The following MAP4K5 variants were observed in gnomAD, a reference collection of about 807,000 sequenced individuals.
The protein encoded by MAP4K5 is MAPK/ERK kinase kinase kinase 5.
A neutral mutation model predicts 135.6 loss-of-function variants in MAP4K5; 82 were observed. The observed-to-expected ratio is 0.60, with a 90% CI of 0.51 to 0.73. The LOEUF (loss-of-function observed/expected upper bound fraction) is 0.73, where lower values mean the gene tolerates loss of function less well. Ranked by LOEUF, MAP4K5 falls within the 30% of genes least tolerant of loss-of-function variation. The pLI, the probability that MAP4K5 is intolerant of heterozygous loss-of-function variation, is 0.00. For missense variants in MAP4K5, 907 were observed against 1,010.9 expected, an observed-to-expected ratio of 0.90 and a Z score of 1.39; for synonymous variants, 347 against 335.0, an observed-to-expected ratio of 1.04 and a Z score of -0.39.
At chr14:50,525,656 C>T (rs960725591) in intron 2 of MAP4K5, among the ~76,000 whole-genome samples, 1 of 151,902 alleles carries the variant, frequency 6.6e-6, no homozygotes, top group African/African-American at 2.4e-5. Flanking sequence ...GGCAACATGG[C>T]GAAACCCCAC....
chr14:50,549,733 A>G (rs2140158009), intron 1 of MAP4K5, among the ~76,000 whole-genome samples: 1 of 152,306 alleles, frequency 6.6e-6, no homozygotes, highest in East Asian at 1.9e-4. Flanking sequence ...TTCCACTACC[A>G]TATAACCCAA....
intron 30 of MAP4K5, 140 bp from the exon 31 acceptor site, chr14:50,426,117 C>A (rs941777997): frequency 1.7e-5 from 8 of 476,664 alleles, no homozygotes; most frequent in Non-Finnish European, 2.6e-5. Context: ...GATTTCTCAA[C>A]ATTTTTGTGG....
At chr14:50,541,948 A>G (rs2140146464) in intron 2 of MAP4K5, among the ~76,000 whole-genome samples, 1 of 127,296 alleles carries the variant, frequency 7.9e-6, no homozygotes, top group East Asian at 2.7e-4. Flanking sequence ...CAGAGCTTGT[A>G]GTGAGCCGAG....
In MAP4K5 at chr14:50,419,315, T is replaced by C. The variant is rs1447707311; in HGVS notation, c.*704A>G. 1 of 152,208 alleles carries C rather than the reference T, an allele frequency of 6.6e-6. No individual in the cohort carries two copies. The highest frequency in any genetic ancestry group is 1.5e-5 in the Non-Finnish European group (1 of 67,994). The allele number at this position is 152,208 out of a possible 1,614,324, so 9.4% of individuals were successfully genotyped here. ...TATGATCCCTTACAACTATCTGTAG[T>C]TGAAAACATAAGACTCCCTTTTAAG... On this transcript the variant is annotated 3_prime_UTR_variant, in exon 33 of 33. Coordinates refer to ENST00000682126, the MANE Select transcript of MAP4K5 (RefSeq NM_006575.6).
chr14:50,510,140 T>C (rs2037900766), intron 2 of MAP4K5, among the ~76,000 whole-genome samples: 1 of 152,068 alleles, frequency 6.6e-6, no homozygotes, highest in Non-Finnish European at 1.5e-5. Flanking sequence ...GCCACTTACT[T>C]TGAGGAACCA....
chr14:50,531,909 C>T (rs1377588385), intron 2 of MAP4K5, 33 bp downstream of exon 2: 1 of 1,441,544 alleles, frequency 6.9e-7, no homozygotes, highest in African/African-American at 1.4e-5. Flanking sequence ...ACCCAGTCGA[C>T]CGCAGGAAAA....
At chr14:50,473,311 T>A (rs10129680) in intron 9 of MAP4K5, among the ~76,000 whole-genome samples, 4 of 152,148 alleles carry the variant, frequency 2.6e-5, no homozygotes, top group Non-Finnish European at 5.9e-5. Flanking sequence ...TTCTTTTTTA[T>A]GGAAAAAGTA....
intron 2 of MAP4K5, among the ~76,000 whole-genome samples, chr14:50,538,448 G>T (rs2038520699): frequency 6.6e-6 from 1 of 152,300 alleles, no homozygotes; most frequent in Non-Finnish European, 1.5e-5. Flanking sequence ...TGTGAAAATT[G>T]GTAGAAGGAT....
intron 6 of MAP4K5, 42 bp downstream of exon 6, chr14:50,482,319 G>A (rs1207286772): frequency 3.8e-5 from 45 of 1,178,948 alleles, no homozygotes; most frequent in Non-Finnish European, 5.1e-5. Context: ...AGAAAATATT[G>A]CCTAGAATTG....
At chr14:50,461,555 CA>C in intron 13 of MAP4K5, among the ~76,000 whole-genome samples, 1 of 152,174 alleles carries the variant, frequency 6.6e-6, no homozygotes, top group East Asian at 1.9e-4. Flanking sequence ...GTGCTATAGT[CA>C]TAAATAGATA....
intron 6 of MAP4K5, among the ~76,000 whole-genome samples, chr14:50,477,040 T>C (rs927422483): frequency 2.0e-5 from 3 of 152,176 alleles, no homozygotes; most frequent in Non-Finnish European, 4.4e-5. Context: ...CAAATTGTGA[T>C]TGGGGTTGCA....
chr14:50,439,195 T>G (rs1452906914), intron 23 of MAP4K5, among the ~76,000 whole-genome samples: 1 of 151,848 alleles, frequency 6.6e-6, no homozygotes, highest in Admixed American at 6.6e-5. Flanking sequence ...AATATACAGA[T>G]TCTTAAAAAA....
intron 1 of MAP4K5, among the ~76,000 whole-genome samples, chr14:50,557,927 T>A (rs137940188): frequency 1.3e-5 from 2 of 152,312 alleles, no homozygotes; most frequent in Non-Finnish European, 2.9e-5. Flanking sequence ...TACAGGGAAC[T>A]GCTCAAAGAC....
At chr14:50,465,531 G>C (rs1300425202) in intron 11 of MAP4K5, among the ~76,000 whole-genome samples, 1 of 152,104 alleles carries the variant, frequency 6.6e-6, no homozygotes, top group Non-Finnish European at 1.5e-5. Context: ...TAATCTTTTT[G>C]AGTATTACGT....
chr14:50,538,363 C>T (rs2038519583), intron 2 of MAP4K5, among the ~76,000 whole-genome samples: 1 of 152,120 alleles, frequency 6.6e-6, no homozygotes, highest in Non-Finnish European at 1.5e-5. Context: ...TCTTTATCAG[C>T]AGTGTGAAAA....
At chr14:50,507,087 C>G (rs1327865574) in intron 2 of MAP4K5, among the ~76,000 whole-genome samples, 1 of 152,150 alleles carries the variant, frequency 6.6e-6, no homozygotes, top group African/African-American at 2.4e-5. Flanking sequence ...TTCAGTAAAT[C>G]ATAAAATGTG....
intron 2 of MAP4K5, among the ~76,000 whole-genome samples, chr14:50,526,948 C>A (rs1232353002): frequency 6.6e-6 from 1 of 151,986 alleles, no homozygotes; most frequent in Admixed American, 6.6e-5. Context: ...ATTATAACAT[C>A]ATTTATAATT....
intron 6 of MAP4K5, among the ~76,000 whole-genome samples, chr14:50,479,818 C>T (rs796461118): frequency 6.6e-6 from 1 of 152,144 alleles, no homozygotes; most frequent in Non-Finnish European, 1.5e-5. Context: ...CTCTCCAATA[C>T]TCTACCTTAA....
At chr14:50,509,420 C>T (rs11157749) in intron 2 of MAP4K5, among the ~76,000 whole-genome samples, 143,807 of 152,234 alleles carry the variant, frequency 0.94, 68,441 homozygotes, top group Non-Finnish European at 1. Context: ...TTTGTTGAAA[C>T]AGATTAACAA....
Sources: gnomAD v4.1 joint callset for allele counts (sites outside exome capture counted in the v4.1 genomes callset) on GRCh38, gnomAD v4.1.1 for gene constraint, MANE v1.5 for transcripts, NCBI Gene and HGNC (gene_info 2026-07-23, HGNC 2026-07-21) for gene names.